DNAH14: variants seen among roughly 807,000 people sequenced by gnomAD.
The protein encoded by DNAH14 is dynein axonemal heavy chain 14.
A neutral mutation model predicts 520.9 loss-of-function variants in DNAH14; 478 were observed. That is an observed-to-expected ratio of 0.92 (90% CI 0.85 to 0.99). DNAH14 has a LOEUF of 0.99. Ranked by LOEUF, DNAH14 falls within the 50% of genes least tolerant of loss-of-function variation. The probability of loss-of-function intolerance (pLI) is 0.00; values close to 1 mark genes in which losing one functional copy is unlikely to be tolerated. For missense variants in DNAH14, 4,831 were observed against 5,234.5 expected (o/e 0.92, Z 2.38); for synonymous variants, 1,581 against 1,757.2 (o/e 0.90, Z 2.51).
At chr1:224,976,161 T>C (rs896277268) in intron 8 of DNAH14, among the ~76,000 whole-genome samples, 9 of 152,104 alleles carry the variant, frequency 5.9e-5, no homozygotes, top group African/African-American at 2.2e-4. Context: ...TGGTCAATTT[T>C]GGAATAGGTG....
chr1:225,167,700 A>G (rs1278860383), intron 35 of DNAH14, among the ~76,000 whole-genome samples: 1 of 152,192 alleles, frequency 6.6e-6, no homozygotes, highest in Non-Finnish European at 1.5e-5. Flanking sequence ...CTAGGGAAGG[A>G]TCTATGAATT....
chr1:225,195,216 C>A (rs1348398613), intron 38 of DNAH14, among the ~76,000 whole-genome samples: 2 of 152,078 alleles, frequency 1.3e-5, no homozygotes, highest in Non-Finnish European at 2.9e-5. Context: ...TACATATGTT[C>A]ATCACAGCAC....
At chr1:225,337,552 C>G (rs1477819158) in intron 67 of DNAH14, 56 bp downstream of exon 67, 4 of 1,405,948 alleles carry the variant, frequency 2.8e-6, no homozygotes, top group Non-Finnish European at 3.9e-6. Context: ...GTTGTATGCA[C>G]TGAGCATAAA....
At chr1:225,104,736 C>A (rs1040088751) in intron 23 of DNAH14, among the ~76,000 whole-genome samples, 1 of 152,104 alleles carries the variant, frequency 6.6e-6, no homozygotes, top group African/African-American at 2.4e-5. Context: ...GTGATGTCCC[C>A]TTTATCATTT....
intron 43 of DNAH14, among the ~76,000 whole-genome samples, chr1:225,242,920 A>G (rs1442713359): frequency 6.6e-6 from 1 of 152,244 alleles, no homozygotes; most frequent in Non-Finnish European, 1.5e-5. Flanking sequence ...TCTTATGGTA[A>G]CATCATTATA....
chr1:225,025,588 A>C (rs951567911), intron 11 of DNAH14, among the ~76,000 whole-genome samples: 2 of 151,464 alleles, frequency 1.3e-5, no homozygotes, highest in Non-Finnish European at 2.9e-5. Context: ...AACAACAACA[A>C]CATCAAAACT....
rs191261949 is a variant in DNAH14 at position 225,288,824 on chromosome 1, A to G, written c.8272-1061A>G. Among the ~76,000 whole-genome samples, 58 of 152,294 alleles carry G rather than the reference A, an allele frequency of 3.8e-4. 1 individual carries two copies. In the East Asian group the frequency reaches 0.01, roughly 26 times the overall value. On this transcript the variant is annotated intron_variant, in intron 54 of 85. Transcript: ENST00000682510. Reference sequence around the variant, plus strand: ...AGATAGTTAATAGCAATCATTGACAAGATTGTGTATAAACTGAACTTTCAT... The same window carrying G: ...AGATAGTTAATAGCAATCATTGACAGGATTGTGTATAAACTGAACTTTCAT...
intron 8 of DNAH14, among the ~76,000 whole-genome samples, chr1:225,000,025 CCTT>C (rs1197956799): frequency 6.6e-6 from 1 of 151,888 alleles, no homozygotes; most frequent in African/African-American, 2.4e-5. Context: ...TTGCAGTGTT[CCTT>C]CTTTTATTGT....
chr1:225,152,229 T>C (rs747788113), intron 32 of DNAH14, among the ~76,000 whole-genome samples, 156 bp downstream of exon 32: 1 of 152,194 alleles, frequency 6.6e-6, no homozygotes, highest in Non-Finnish European at 1.5e-5. Context: ...TATGAACAGC[T>C]GCACTCTGCA....
chr1:225,256,867 A>T (rs150827808), intron 44 of DNAH14, among the ~76,000 whole-genome samples: 2 of 152,296 alleles, frequency 1.3e-5, no homozygotes, highest in Non-Finnish European at 2.9e-5. Context: ...GGACTTTACA[A>T]ATCAAAGTAA....
intron 10 of DNAH14, among the ~76,000 whole-genome samples, chr1:225,011,481 TA>T (rs1179153665): frequency 6.6e-6 from 1 of 152,178 alleles, no homozygotes; most frequent in Non-Finnish European, 1.5e-5. Context: ...GTTCAAGTCC[TA>T]AATATCCTTG....
At chr1:225,147,593 A>G (rs2080069160) in intron 31 of DNAH14, among the ~76,000 whole-genome samples, 1 of 152,116 alleles carries the variant, frequency 6.6e-6, no homozygotes, top group Non-Finnish European at 1.5e-5. Context: ...AGAATATTGC[A>G]TTTGAAGAAC....
chr1:225,080,338 C>T (rs1450821676), intron 18 of DNAH14, 41 bp from the exon 19 acceptor site: 4 of 1,481,976 alleles, frequency 2.7e-6, no homozygotes, highest in Non-Finnish European at 3.6e-6. Context: ...ACGTTCTAGA[C>T]ATACTGATTT....
At chr1:225,002,110 G>A (rs2063815837) in intron 8 of DNAH14, among the ~76,000 whole-genome samples, 1 of 152,068 alleles carries the variant, frequency 6.6e-6, no homozygotes, top group Non-Finnish European at 1.5e-5. Context: ...CCACTCCAAA[G>A]GGATGATTCA....
At chr1:225,300,366 A>G (rs1318415732) in intron 55 of DNAH14, among the ~76,000 whole-genome samples, 1 of 152,164 alleles carries the variant, frequency 6.6e-6, no homozygotes, top group Non-Finnish European at 1.5e-5. Context: ...AAATGAATGA[A>G]TGGATGAATG....
chr1:225,337,767 G>T (rs947062258), intron 67 of DNAH14, among the ~76,000 whole-genome samples: 1 of 152,052 alleles, frequency 6.6e-6, no homozygotes, highest in African/African-American at 2.4e-5. Context: ...TAGTTATGGG[G>T]TACATAAGAT....
chr1:225,080,847 T>C (rs757180035), intron 19 of DNAH14, 99 bp downstream of exon 19: 23 of 1,289,736 alleles, frequency 1.8e-5, no homozygotes, highest in Non-Finnish European at 2.4e-5. Flanking sequence ...TTACCCATTC[T>C]CAGGTTGACC....
chr1:225,040,062 C>T (rs1311581073), intron 12 of DNAH14, among the ~76,000 whole-genome samples: 1 of 150,162 alleles, frequency 6.7e-6, no homozygotes. Flanking sequence ...CTCAGCCTCC[C>T]GAGTAGCTGG....
At chr1:225,059,908 A>T (rs2069776404) in intron 17 of DNAH14, among the ~76,000 whole-genome samples, 1 of 152,216 alleles carries the variant, frequency 6.6e-6, no homozygotes, top group Non-Finnish European at 1.5e-5. Flanking sequence ...TGTTAGTGTG[A>T]TGGGCTTCCC....
Sources: allele counts gnomAD v4.1 joint callset (sites outside exome capture counted in the v4.1 genomes callset), GRCh38; gene constraint gnomAD v4.1.1; transcripts MANE v1.5; gene names NCBI Gene and HGNC (gene_info 2026-07-23, HGNC 2026-07-21).